Variants in TECRL observed in about 807,000 individuals in gnomAD.
TECRL encodes the protein trans-2,3-enoyl-CoA reductase-like.
TECRL carries 63 observed loss-of-function variants against 52.8 expected under a neutral mutation model. The observed-to-expected ratio is 1.19, with a 90% CI of 0.97 to 1.47. TECRL has a LOEUF of 1.47. Among genes scored for constraint, TECRL ranks in the 40% most tolerant of loss-of-function variants. The pLI is 0.00. For synonymous variants in TECRL, 164 were observed against 141.9 expected (o/e 1.16, Z -1.10); for missense variants, 482 against 429.6 (o/e 1.12, Z -1.08).
Position 64,402,744 on chromosome 4 carries a change from G to C in TECRL, c.234+6374C>G, listed in dbSNP as rs534069732. On this transcript the variant is annotated intron_variant, in intron 1 of 11. Coordinates refer to ENST00000381210, the MANE Select transcript of TECRL (RefSeq NM_001010874.5). ...AGAGCTAGAAAGTAATCTCAAGAAT[G>C]TGAATTGGGGTACATAAGAGATGTA... 3.3e-5 allele frequency among the ~76,000 whole-genome samples: 5 copies of C among 152,204 alleles called. No homozygotes were observed. In the East Asian group the frequency reaches 9.7e-4, roughly 29 times the overall value.
chr4:64,380,367 T>C lies in TECRL; in HGVS notation c.235-5144A>G, dbSNP rs144826100. Among the ~76,000 whole-genome samples, 27 of 152,224 alleles carry C rather than the reference T, an allele frequency of 1.8e-4. No individual in the cohort carries two copies. In the South Asian group the frequency reaches 2.1e-3, roughly 12 times the overall value. The stretch of plus-strand genomic sequence containing the variant: ...TATTTTCTTCCACTCTTTTGCCTCT[T>C]CACTCTGTTATTTCCTGTGTTATGC... On this transcript the variant is annotated intron_variant, in intron 1 of 11. Coordinates refer to ENST00000381210, the MANE Select transcript of TECRL (RefSeq NM_001010874.5).
intron 8 of TECRL, among the ~76,000 whole-genome samples, chr4:64,295,290 T>C (rs11945129): frequency 0.046 from 6,968 of 151,334 alleles, 542 homozygotes; most frequent in African/African-American, 0.16. Context: ...ATGTGAAATA[T>C]GTATTAATAT....
chr4:64,398,827 G>T (rs1276327810), intron 1 of TECRL, among the ~76,000 whole-genome samples: 1 of 152,122 alleles, frequency 6.6e-6, no homozygotes, highest in Non-Finnish European at 1.5e-5. Context: ...CTGATTAAAT[G>T]ATTGGGACCA....
intron 2 of TECRL, among the ~76,000 whole-genome samples, chr4:64,365,345 C>A (rs1052442260): frequency 3.9e-5 from 6 of 152,050 alleles, no homozygotes; most frequent in African/African-American, 1.4e-4. Flanking sequence ...CCGACTTTTA[C>A]CATTCCTATT....
At chr4:64,341,157 C>G (rs999018911) in intron 2 of TECRL, among the ~76,000 whole-genome samples, 6 of 152,120 alleles carry the variant, frequency 3.9e-5, no homozygotes, top group African/African-American at 1.4e-4. Context: ...GAGCTTCTCC[C>G]TATAGGTTTT....
chr4:64,322,450 C>CT (rs1378360395), intron 4 of TECRL, among the ~76,000 whole-genome samples: 1 of 110,010 alleles, frequency 9.1e-6, no homozygotes, highest in East Asian at 2.7e-4. Flanking sequence ...AGTGGGTTGA[C>CT]TTTAAAAAAA....
intron 1 of TECRL, among the ~76,000 whole-genome samples, chr4:64,391,567 CT>C (rs1340698880): frequency 6.6e-6 from 1 of 151,772 alleles, no homozygotes; most frequent in Non-Finnish European, 1.5e-5. Context: ...ACTTAATTAT[CT>C]AAGAAATCTC....
chr4:64,405,443 G>A (rs1293238956), intron 1 of TECRL, among the ~76,000 whole-genome samples: 2 of 152,116 alleles, frequency 1.3e-5, no homozygotes, highest in Non-Finnish European at 2.9e-5. Flanking sequence ...TTCTCCAAGT[G>A]TTTGGCCTGA....
At chr4:64,385,767 C>T (rs557305610) in intron 1 of TECRL, among the ~76,000 whole-genome samples, 80 of 152,202 alleles carry the variant, frequency 5.3e-4, no homozygotes, top group African/African-American at 1.9e-3. Context: ...ATAATGTCAT[C>T]GTGTGGACTC....
intron 1 of TECRL, among the ~76,000 whole-genome samples, chr4:64,395,728 G>T (rs569598054): frequency 6.6e-6 from 1 of 152,180 alleles, no homozygotes; most frequent in South Asian, 2.1e-4. Context: ...GGGGTAAACT[G>T]CATGACACAG....
chr4:64,392,101 A>G (rs763563704), intron 1 of TECRL, among the ~76,000 whole-genome samples: 65 of 151,864 alleles, frequency 4.3e-4, no homozygotes, highest in Non-Finnish European at 6.9e-4. Context: ...TAGAATCTAT[A>G]CTGACAAAGC....
chr4:64,321,949 G>A (rs982476582), intron 4 of TECRL, among the ~76,000 whole-genome samples: 1 of 152,098 alleles, frequency 6.6e-6, no homozygotes, highest in African/African-American at 2.4e-5. Flanking sequence ...TAGATTACTA[G>A]AAGGAAAAGG....
At chr4:64,393,203 A>C (rs779618359) in intron 1 of TECRL, among the ~76,000 whole-genome samples, 10 of 151,990 alleles carry the variant, frequency 6.6e-5, no homozygotes, top group Non-Finnish European at 1.5e-4. Flanking sequence ...TTTAAAGTAG[A>C]GGGGGGAAAA....
Position 64,279,743 on chromosome 4 carries a change from T to G in TECRL, c.*329A>C, listed in dbSNP as rs1184098640. 2.3e-6 allele frequency: 2 copies of G among 872,626 alleles called. No homozygotes were observed. Among genetic ancestry groups the G allele is most frequent in the African/African-American group, 3.6e-5 (1 of 27,678 alleles). 54.1% of individuals were successfully genotyped at this position (872,626 alleles called of 1,614,324 possible). A position where few individuals can be genotyped will look rare whatever the true frequency, so the allele number is the denominator to read the frequency against. ...ATGTCTGTTCAGATCGCTTTTTCATTTGTTAATCAGATTTTTTTTTTTGCT... is the reference window on the plus strand; with the variant it reads ...ATGTCTGTTCAGATCGCTTTTTCATGTGTTAATCAGATTTTTTTTTTTGCT... On this transcript the variant is annotated 3_prime_UTR_variant, in exon 12 of 12. Coordinates refer to ENST00000381210, the MANE Select transcript of TECRL (RefSeq NM_001010874.5).
chr4:64,405,332 A>G (rs1042874833), intron 1 of TECRL, among the ~76,000 whole-genome samples: 2 of 152,118 alleles, frequency 1.3e-5, no homozygotes, highest in African/African-American at 4.8e-5. Flanking sequence ...AGTAGGAGGA[A>G]GATTCAGGAG....
chr4:64,387,423 A>G (rs1723254550), intron 1 of TECRL, among the ~76,000 whole-genome samples: 1 of 152,128 alleles, frequency 6.6e-6, no homozygotes, highest in African/African-American at 2.4e-5. Flanking sequence ...TTGAGTAGAT[A>G]CCAAGGAGCA....
intron 1 of TECRL, among the ~76,000 whole-genome samples, chr4:64,390,504 A>G (rs372197854): frequency 1.3e-4 from 20 of 151,964 alleles, no homozygotes; most frequent in African/African-American, 4.6e-4. Flanking sequence ...TAATAAAGAC[A>G]AAAGCTGTTT....
intron 5 of TECRL, among the ~76,000 whole-genome samples, chr4:64,311,561 A>T (rs892822753): frequency 6.6e-6 from 1 of 152,204 alleles, no homozygotes; most frequent in African/African-American, 2.4e-5. Context: ...GCCCTAAGTG[A>T]GAAATTTTGG....
At chr4:64,345,531 C>A (rs1337440642) in intron 2 of TECRL, among the ~76,000 whole-genome samples, 1 of 122,264 alleles carries the variant, frequency 8.2e-6, no homozygotes, top group Admixed American at 1.1e-4. Context: ...AGAGGAACAT[C>A]ACACACCGGG....
Sources: allele counts gnomAD v4.1 joint callset (sites outside exome capture counted in the v4.1 genomes callset), GRCh38; gene constraint gnomAD v4.1.1; transcripts MANE v1.5; gene names NCBI Gene and HGNC (gene_info 2026-07-23, HGNC 2026-07-21).